CTPS2: variants seen among roughly 807,000 people sequenced by gnomAD.
The protein encoded by CTPS2 is CTP synthase II.
CTPS2 carries 19 observed loss-of-function variants against 46.8 expected under a neutral mutation model. The ratio of observed to expected loss-of-function variants is 0.41; its 90% CI spans 0.28 to 0.60. The LOEUF (loss-of-function observed/expected upper bound fraction) is 0.60. Ranked by LOEUF, CTPS2 falls within the 20% of genes least tolerant of loss-of-function variation. CTPS2 has a pLI of 0.35. For synonymous variants in CTPS2, 151 were observed against 165.2 expected, an observed-to-expected ratio of 0.91 and a Z score of 0.66; for missense variants, 286 against 447.6, an observed-to-expected ratio of 0.64 and a Z score of 3.26.
At chrX:16,700,673 C>T (rs1311763504) in intron 2 of CTPS2, among the ~76,000 whole-genome samples, 1 of 110,625 alleles carries the variant, frequency 9.0e-6, no homozygotes, top group African/African-American at 3.3e-5. Flanking sequence ...CTGCAACTTA[C>T]AAAACATTTA....
chrX:16,654,517 A>G, intron 13 of CTPS2: 1 of 1,052,568 alleles, frequency 9.5e-7, no homozygotes, highest in Non-Finnish European at 1.3e-6. Context: ...TGAAGGAGAA[A>G]ACAAAATAGA....
At chrX:16,595,467 C>G (rs1929188693) in intron 17 of CTPS2, among the ~76,000 whole-genome samples, 1 of 110,373 alleles carries the variant, frequency 9.1e-6, no homozygotes, top group Non-Finnish European at 1.9e-5. Context: ...TCACCACGCC[C>G]AGCTAATTTT....
chrX:16,650,133 G>A (rs1222042896), intron 13 of CTPS2: 2 of 111,997 alleles, frequency 1.8e-5, no homozygotes, highest in African/African-American at 6.5e-5. Context: ...GACTATAAAA[G>A]TGTCATGATT....
chrX:16,616,247 G>A (rs1401124505), intron 16 of CTPS2, among the ~76,000 whole-genome samples: 2 of 112,146 alleles, frequency 1.8e-5, no homozygotes, highest in Non-Finnish European at 3.8e-5. Flanking sequence ...GTGCTCACGG[G>A]TGTTCCAGCC....
At chrX:16,593,305 T>C (rs1219568220) in intron 17 of CTPS2, among the ~76,000 whole-genome samples, 2 of 108,344 alleles carry the variant, frequency 1.8e-5, no homozygotes, top group Non-Finnish European at 3.8e-5. Flanking sequence ...GGCGGGCGCC[T>C]GTAGTCCCAG....
chrX:16,648,693 T>C (rs1932446528), intron 13 of CTPS2, among the ~76,000 whole-genome samples: 2 of 112,374 alleles, frequency 1.8e-5, no homozygotes, highest in Non-Finnish European at 3.8e-5. Context: ...ATACATATTC[T>C]ATATTGGTGC....
intron 1 of CTPS2, among the ~76,000 whole-genome samples, chrX:16,709,886 T>C (rs1278769509): frequency 9.4e-6 from 1 of 105,897 alleles, no homozygotes; most frequent in Non-Finnish European, 1.9e-5. Flanking sequence ...GATTTCTATC[T>C]TAATTTGGTC....
chrX:16,674,670 C>G (rs1922090626), intron 10 of CTPS2, among the ~76,000 whole-genome samples: 3 of 104,972 alleles, frequency 2.9e-5, no homozygotes, highest in South Asian at 9.0e-4. Context: ...AACCCCGTCT[C>G]TACTAAAAAT....
intron 13 of CTPS2, chrX:16,654,307 C>T: frequency 1.9e-6 from 1 of 521,989 alleles, no homozygotes; most frequent in Admixed American, 3.6e-5. Context: ...GCCTTCTTGG[C>T]ACACAGACCC....
intron 8 of CTPS2, among the ~76,000 whole-genome samples, chrX:16,687,412 C>A (rs753629900): frequency 1.0e-5 from 1 of 96,244 alleles, no homozygotes; most frequent in South Asian, 5.1e-4. Context: ...GAGGTCGAGG[C>A]TGCAGTGAGC....
chrX:16,664,581 AAGACATAC>A (rs1382910613), intron 13 of CTPS2, among the ~76,000 whole-genome samples: 2 of 112,067 alleles, frequency 1.8e-5, no homozygotes, highest in Admixed American at 1.9e-4. Flanking sequence ...GTGGATGACA[AAGACATAC>A]AGCTTTACTT....
intron 17 of CTPS2, among the ~76,000 whole-genome samples, chrX:16,597,688 G>T (rs1187792636): frequency 9.0e-6 from 1 of 111,314 alleles, no homozygotes; most frequent in African/African-American, 3.3e-5. Context: ...CTCTTTTTTG[G>T]TTCCATATGA....
intron 8 of CTPS2, among the ~76,000 whole-genome samples, chrX:16,687,220 G>A (rs957462939): frequency 1.3e-4 from 14 of 110,769 alleles, no homozygotes; most frequent in African/African-American, 3.9e-4. Flanking sequence ...GCACAGAAGC[G>A]CCAGGCATAT....
intron 1 of CTPS2, among the ~76,000 whole-genome samples, chrX:16,707,988 G>T (rs1287698133): frequency 7.4e-5 from 8 of 108,135 alleles, no homozygotes; most frequent in African/African-American, 2.4e-4. Flanking sequence ...TACCAAAAAA[G>T]AAAAAATAAA....
At chrX:16,666,537 A>G (rs1185491440) in intron 13 of CTPS2, among the ~76,000 whole-genome samples, 1 of 111,318 alleles carries the variant, frequency 9.0e-6, no homozygotes, top group Non-Finnish European at 1.9e-5. Flanking sequence ...CTCTACAAAA[A>G]AAATCAAAAA....
At chrX:16,593,894 AAAC>A (rs770782372) in intron 17 of CTPS2, among the ~76,000 whole-genome samples, 5 of 111,307 alleles carry the variant, frequency 4.5e-5, no homozygotes, top group African/African-American at 1.6e-4. Flanking sequence ...AGGAAAAAAA[AAAC>A]AACAGCCAAA....
intron 17 of CTPS2, among the ~76,000 whole-genome samples, chrX:16,603,703 G>A (rs1929814305): frequency 9.0e-6 from 1 of 110,627 alleles, no homozygotes; most frequent in African/African-American, 3.3e-5. Flanking sequence ...AGGCTGGTGG[G>A]TTTGTGGGTG....
At chrX:16,661,203 A>G (rs985630061) in intron 13 of CTPS2, among the ~76,000 whole-genome samples, 1 of 110,509 alleles carries the variant, frequency 9.0e-6, no homozygotes, top group African/African-American at 3.3e-5. Flanking sequence ...CAGGCGATCC[A>G]CCGGCCTCAG....
intron 8 of CTPS2, among the ~76,000 whole-genome samples, chrX:16,688,912 A>G (rs1241944576): frequency 9.8e-6 from 1 of 102,313 alleles, no homozygotes. Context: ...TGGGTAACAT[A>G]GAAAAATCCC....
Sources: allele counts gnomAD v4.1 joint callset (sites outside exome capture counted in the v4.1 genomes callset), GRCh38; gene constraint gnomAD v4.1.1; transcripts MANE v1.5; gene names NCBI Gene and HGNC (gene_info 2026-07-23, HGNC 2026-07-21).